The following PDZRN4 variants were observed in gnomAD, a reference collection of about 807,000 sequenced individuals.
PDZRN4 encodes the protein PDZ domain-containing RING finger protein 4.
Under a neutral mutation model 99.0 loss-of-function variants are expected in PDZRN4, and 70 were observed. The observed-to-expected ratio is 0.71, with a 90% confidence interval of 0.58 to 0.86. The LOEUF (loss-of-function observed/expected upper bound fraction) is 0.86. Among genes scored for constraint, PDZRN4 ranks in the 40% least tolerant of loss-of-function variants. The pLI, the probability that PDZRN4 is intolerant of heterozygous loss-of-function variation, is 0.00. For synonymous variants in PDZRN4, 551 were observed against 501.6 expected (o/e 1.10, Z -1.32); for missense variants, 1,474 against 1,331.2 (o/e 1.11, Z -1.67).
chr12:41,452,130 G>T (rs1427879272), intron 3 of PDZRN4, among the ~76,000 whole-genome samples: 1 of 147,512 alleles, frequency 6.8e-6, no homozygotes, highest in Non-Finnish European at 1.5e-5. Context: ...AAAAAAAAAA[G>T]TGGCTAATAG....
At chr12:41,372,785 G>A (rs1952051146) in intron 3 of PDZRN4, among the ~76,000 whole-genome samples, 2 of 152,090 alleles carry the variant, frequency 1.3e-5, no homozygotes, top group African/African-American at 4.8e-5. Flanking sequence ...TATCCTGAAG[G>A]TGCTGGAGAA....
At chr12:41,278,222 T>C (rs1344865177) in intron 3 of PDZRN4, among the ~76,000 whole-genome samples, 2 of 152,216 alleles carry the variant, frequency 1.3e-5, no homozygotes, top group Non-Finnish European at 2.9e-5. Context: ...TGATTGGATA[T>C]ATCCTCCAAG....
intron 3 of PDZRN4, among the ~76,000 whole-genome samples, chr12:41,344,117 G>A (rs1217297451): frequency 2.0e-5 from 3 of 152,004 alleles, no homozygotes; most frequent in Non-Finnish European, 4.4e-5. Flanking sequence ...ATCTATACTG[G>A]TGATCAAATA....
At chr12:41,435,158 AG>A (rs1474614928) in intron 3 of PDZRN4, among the ~76,000 whole-genome samples, 4 of 152,218 alleles carry the variant, frequency 2.6e-5, no homozygotes, top group Non-Finnish European at 5.9e-5. Flanking sequence ...TAGAGGGATT[AG>A]GAATGAATAA....
At chr12:41,443,516 A>G (rs1012981031) in intron 3 of PDZRN4, among the ~76,000 whole-genome samples, 13 of 152,088 alleles carry the variant, frequency 8.5e-5, no homozygotes, top group African/African-American at 3.1e-4. Flanking sequence ...TTTTTTTAAG[A>G]GAAAGAGAAC....
At chr12:41,474,308 G>A (rs1471848130) in intron 3 of PDZRN4, among the ~76,000 whole-genome samples, 3 of 152,202 alleles carry the variant, frequency 2.0e-5, no homozygotes, top group Non-Finnish European at 4.4e-5. Flanking sequence ...GAGAGGTTAA[G>A]TGTCTTGTCA....
intron 7 of PDZRN4, among the ~76,000 whole-genome samples, chr12:41,561,710 C>T (rs907726757): frequency 6.6e-6 from 1 of 151,506 alleles, no homozygotes; most frequent in Non-Finnish European, 1.5e-5. Context: ...TGTAAGATCA[C>T]CCAATTCAAT....
chr12:41,470,320 A>C (rs1945231537), intron 3 of PDZRN4, among the ~76,000 whole-genome samples: 2 of 152,170 alleles, frequency 1.3e-5, no homozygotes, highest in African/African-American at 4.8e-5. Flanking sequence ...AGGAGAGAAA[A>C]AAAAATTAAC....
At chr12:41,539,793 A>C (rs1375162463) in intron 5 of PDZRN4, among the ~76,000 whole-genome samples, 2 of 152,204 alleles carry the variant, frequency 1.3e-5, no homozygotes, top group Non-Finnish European at 2.9e-5. Flanking sequence ...GAGGACTGAC[A>C]AATCTCTGTT....
At chr12:41,345,355 C>G (rs1951845948) in intron 3 of PDZRN4, among the ~76,000 whole-genome samples, 2 of 152,140 alleles carry the variant, frequency 1.3e-5, no homozygotes, top group Non-Finnish European at 2.9e-5. Flanking sequence ...TGTCTTCCTC[C>G]TCCCTCTTCT....
intron 3 of PDZRN4, among the ~76,000 whole-genome samples, chr12:41,464,737 A>G (rs1293562713): frequency 6.6e-6 from 1 of 151,720 alleles, no homozygotes; most frequent in Non-Finnish European, 1.5e-5. Flanking sequence ...TGAAGACATT[A>G]TGTGACAACT....
intron 7 of PDZRN4, among the ~76,000 whole-genome samples, chr12:41,562,232 C>T (rs1203393417): frequency 2.6e-5 from 4 of 152,046 alleles, no homozygotes; most frequent in African/African-American, 9.7e-5. Flanking sequence ...TTATTGCCTG[C>T]TTTCCTTGCA....
At chr12:41,390,874 T>C (rs1161154100) in intron 3 of PDZRN4, among the ~76,000 whole-genome samples, 2 of 152,200 alleles carry the variant, frequency 1.3e-5, no homozygotes, top group Non-Finnish European at 2.9e-5. Flanking sequence ...TGAATAGTTT[T>C]ATTTTTTCTA....
Position 41,555,938 on chromosome 12 carries a change from T to C in PDZRN4, c.1365+178T>C, listed in dbSNP as rs78010135. The stretch of plus-strand genomic sequence containing the variant: ...ACTAATTTAGGATGGTGCGATATAT[T>C]AAGAGTGATTAGCTAATAATTAGTG... On this transcript the variant is annotated intron_variant, in intron 7 of 9. Transcript: ENST00000402685. 3.4e-3 allele frequency among the ~76,000 whole-genome samples: 523 copies of C among 152,254 alleles called. 4 individuals are homozygous for C. The highest frequency in any genetic ancestry group is 0.012 in the African/African-American group (492 of 41,530).
At chr12:41,502,285 T>C (rs1166399952) in intron 3 of PDZRN4, among the ~76,000 whole-genome samples, 2 of 152,128 alleles carry the variant, frequency 1.3e-5, no homozygotes, top group Non-Finnish European at 2.9e-5. Context: ...GCCACAGCTA[T>C]CGAAACGCCA....
In PDZRN4 at chr12:41,572,435, C is replaced by T; in HGVS notation, c.1656C>T (p.Asp552=). The part of the protein sequence containing the change: ...ATSSSNNHEK[D]SGVGRTDESL... ...CCTCATCCAACAACCATGAGAAGGA[C>T]AGTGGAGTAGGACGTACAGATGAAA... Residue 552 remains aspartate, a synonymous_variant, in exon 10 of 10, where the codon GAC becomes GAT. Transcript: ENST00000402685. 1.9e-6 allele frequency: 3 copies of T among 1,614,030 alleles called. No individual in the cohort carries two copies. Among genetic ancestry groups the T allele is most frequent in the Middle Eastern group, 1.6e-4 (1 of 6,062 alleles).
At chr12:41,308,715 C>T (rs1367973355) in intron 3 of PDZRN4, among the ~76,000 whole-genome samples, 1 of 151,990 alleles carries the variant, frequency 6.6e-6, no homozygotes, top group Admixed American at 6.6e-5. Flanking sequence ...TGTTTGTGTT[C>T]AAAAAGAGCA....
chr12:41,196,460 A>G (rs1244272642), intron 3 of PDZRN4, among the ~76,000 whole-genome samples: 1 of 152,110 alleles, frequency 6.6e-6, no homozygotes, highest in East Asian at 1.9e-4. Flanking sequence ...GATGAGGTGC[A>G]TATTTCTAGA....
intron 3 of PDZRN4, among the ~76,000 whole-genome samples, chr12:41,502,763 TAAGAGGG>T (rs1447675851): frequency 2.6e-5 from 4 of 151,400 alleles, no homozygotes; most frequent in Non-Finnish European, 5.9e-5. Context: ...GACAAAGGAG[TAAGAGGG>T]AAGAGGAAAA....
Sources: allele counts gnomAD v4.1 joint callset (sites outside exome capture counted in the v4.1 genomes callset), GRCh38; gene constraint gnomAD v4.1.1; transcripts MANE v1.5; gene names NCBI Gene and HGNC (gene_info 2026-07-23, HGNC 2026-07-21).